PTPN9: variants seen among roughly 807,000 people sequenced by gnomAD.
PTPN9 encodes the protein tyrosine-protein phosphatase non-receptor type 9.
In PTPN9, 26 loss-of-function variants were observed where a neutral mutation model predicts 69.8. The observed-to-expected ratio is 0.37, with a 90% CI of 0.27 to 0.52. The LOEUF is 0.52. PTPN9 is among the 20% of genes least tolerant of loss of function. The pLI is 0.91. For missense variants in PTPN9, 549 were observed against 740.3 expected, an observed-to-expected ratio of 0.74 and a Z score of 3.00; for synonymous variants, 274 against 272.5, an observed-to-expected ratio of 1.01 and a Z score of -0.05.
chr15:75,482,954 CAA>C (rs775107887), intron 8 of PTPN9, among the ~76,000 whole-genome samples: 6 of 122,176 alleles, frequency 4.9e-5, no homozygotes, highest in Admixed American at 1.7e-4. Context: ...GACTCTGTCT[CAA>C]AAAAAAAAAA....
chr15:75,575,780 G>A lies in PTPN9; in HGVS notation c.63+2934C>T, dbSNP rs145505126. ...TAAAAATATGAAAAATTAGCCAGGC[G>A]TGGTGGCGGGCGCCTGTAGTCCCAG... On this transcript the variant is annotated intron_variant, in intron 1 of 12. Transcript: ENST00000618819. Among the ~76,000 whole-genome samples the A allele has an allele frequency of 8.0e-3, 1,212 of 151,478 alleles. 11 individuals carry two copies. The highest frequency in any genetic ancestry group is 0.014 in the Non-Finnish European group (922 of 67,872).
At chr15:75,563,724 G>A (rs546425086) in intron 1 of PTPN9, among the ~76,000 whole-genome samples, 1 of 152,236 alleles carries the variant, frequency 6.6e-6, no homozygotes, top group South Asian at 2.1e-4. Flanking sequence ...TCGAGTCCCT[G>A]TCCTCATTGC....
chr15:75,545,856 C>T (rs960883830), intron 1 of PTPN9, among the ~76,000 whole-genome samples: 1 of 152,040 alleles, frequency 6.6e-6, no homozygotes, highest in Non-Finnish European at 1.5e-5. Flanking sequence ...AGCTGAGGCA[C>T]GAGAATTGCT....
chr15:75,499,348 T>C (rs2074760510), intron 7 of PTPN9, among the ~76,000 whole-genome samples: 1 of 151,578 alleles, frequency 6.6e-6, no homozygotes, highest in Admixed American at 6.6e-5. Flanking sequence ...TGTTCTCTGA[T>C]TGTCAAATGG....
At position 75,527,229 on chromosome 15, in the gene PTPN9, C is replaced by T; in HGVS notation, c.96G>A (p.Lys32=). 6.2e-7 allele frequency: 1 copy of T among 1,614,150 alleles called. No homozygotes were observed. Among genetic ancestry groups the T allele is most frequent in the South Asian group, 1.1e-5 (1 of 91,090 alleles). Residue 32 remains lysine (K), a synonymous_variant, in exon 2 of 13, where the codon AAG becomes AAA. Coordinates refer to ENST00000618819, the MANE Select transcript of PTPN9 (RefSeq NM_002833.4). ...ATKQFLEEIN[K]WTVQYNVSPL... ...GGGAAACATTGTACTGAACTGTCCA[C>T]TTGTTAATCTCTTCGAGAAACTGCT...
At chr15:75,484,231 A>G (rs2074660603) in intron 8 of PTPN9, among the ~76,000 whole-genome samples, 1 of 152,216 alleles carries the variant, frequency 6.6e-6, no homozygotes, top group Admixed American at 6.5e-5. Context: ...AGAAACTGTT[A>G]TTTACAAGAA....
At chr15:75,539,100 T>C (rs2074997311) in intron 1 of PTPN9, among the ~76,000 whole-genome samples, 1 of 152,122 alleles carries the variant, frequency 6.6e-6, no homozygotes, top group Non-Finnish European at 1.5e-5. Flanking sequence ...AAAAAATTTT[T>C]TTTTGGCCGG....
intron 1 of PTPN9, among the ~76,000 whole-genome samples, chr15:75,576,495 GTA>G (rs1317228304): frequency 6.6e-6 from 1 of 151,852 alleles, no homozygotes; most frequent in Non-Finnish European, 1.5e-5. Flanking sequence ...TCACGCCATT[GTA>G]CTCCAGTCTG....
chr15:75,530,667 C>CTATAATATATATTATTATATAATATAT (rs2074954836), intron 1 of PTPN9, among the ~76,000 whole-genome samples: 1 of 41,676 alleles, frequency 2.4e-5, no homozygotes, highest in Non-Finnish European at 3.6e-5. Flanking sequence ...ATATAATATA[C>CTATAATATATATTATTATATAATATAT]TATTATATAT....
At chr15:75,471,003 A>G in intron 10 of PTPN9, 173 bp from the exon 11 acceptor site, 1 of 743,186 alleles carries the variant, frequency 1.3e-6, no homozygotes, top group Non-Finnish European at 2.1e-6. Flanking sequence ...TTCTAAACAA[A>G]TGTACTCACA....
intron 6 of PTPN9, among the ~76,000 whole-genome samples, chr15:75,506,318 G>C (rs1027821782): frequency 1.3e-5 from 2 of 152,090 alleles, no homozygotes; most frequent in Non-Finnish European, 2.9e-5. Context: ...TCCCAGCATC[G>C]CTGCATGCTG....
chr15:75,563,678 T>C (rs1299192275), intron 1 of PTPN9, among the ~76,000 whole-genome samples: 4 of 152,196 alleles, frequency 2.6e-5, no homozygotes, highest in African/African-American at 4.8e-5. Context: ...GCAAACATAT[T>C]TTGAACCCTC....
chr15:75,474,376 A>G (rs1328417049), intron 9 of PTPN9, among the ~76,000 whole-genome samples: 1 of 152,062 alleles, frequency 6.6e-6, no homozygotes, highest in Non-Finnish European at 1.5e-5. Context: ...AAAATTAGCC[A>G]GGTGTGGTGG....
At chr15:75,516,741 C>CTTTTTTTT (rs34906409) in intron 5 of PTPN9, among the ~76,000 whole-genome samples, 2 of 87,942 alleles carry the variant, frequency 2.3e-5, no homozygotes, top group South Asian at 4.2e-4. Context: ...TGTTCCTGTG[C>CTTTTTTTT]TTTTTTTTTT....
In PTPN9 at chr15:75,524,244, G is replaced by C; in HGVS notation, c.262C>G (p.Arg88Gly). ...AATTTTCCACTGAGGATCTCAGAAC[G>C]AAGAGGTTCCTCATGAGGTTTCAGC... Reference protein sequence around the residue: ...VKLKPHEEPLRSEILSGKFTI... With the variant: ...VKLKPHEEPLGSEILSGKFTI... The change falls in exon 3 of 13, where the codon CGT (arginine) becomes GGT (glycine). Residue 88 changes from arginine to glycine, a missense_variant. Coordinates refer to ENST00000618819, the MANE Select transcript of PTPN9 (RefSeq NM_002833.4). 6.2e-7 allele frequency: 1 copy of C among 1,611,694 alleles called. No individual in the cohort carries two copies. The highest frequency in any genetic ancestry group is 8.5e-7 in the Non-Finnish European group (1 of 1,178,498).
chr15:75,546,079 T>C (rs917783971), intron 1 of PTPN9, among the ~76,000 whole-genome samples: 7 of 152,244 alleles, frequency 4.6e-5, no homozygotes, highest in South Asian at 2.1e-4. Flanking sequence ...TTCAAATCTT[T>C]ATTATTTTTA....
chr15:75,530,435 A>G (rs1271482444), intron 1 of PTPN9, among the ~76,000 whole-genome samples: 3 of 107,260 alleles, frequency 2.8e-5, no homozygotes, highest in Non-Finnish European at 5.3e-5. Flanking sequence ...ATTATAATAT[A>G]TAATATATTA....
chr15:75,470,079 A>G, intron 11 of PTPN9, 80 bp from the exon 12 acceptor site: 1 of 1,305,354 alleles, frequency 7.7e-7, no homozygotes. Flanking sequence ...CAGATTCTCA[A>G]CACCCTGGTT....
Position 75,472,843 on chromosome 15 carries a change from G to T in PTPN9, c.1208+846C>A, listed in dbSNP as rs1435524656. On this transcript the variant is annotated intron_variant, in intron 10 of 12. Coordinates refer to ENST00000618819, the MANE Select transcript of PTPN9 (RefSeq NM_002833.4). ...CATGCCCGTAATCCTAGCTATTCGG[G>T]AGGCTGAGGCAGGAGAATTGCTTGA... 2.0e-5 allele frequency among the ~76,000 whole-genome samples: 3 copies of T among 151,956 alleles called. 1 individual carries two copies.
Sources: allele counts gnomAD v4.1 joint callset (sites outside exome capture counted in the v4.1 genomes callset), GRCh38; gene constraint gnomAD v4.1.1; transcripts MANE v1.5; gene names NCBI Gene and HGNC (gene_info 2026-07-23, HGNC 2026-07-21).